Variants in PAPPA2 observed in about 807,000 individuals in gnomAD.
PAPPA2 encodes pappalysin 2.
Under a neutral mutation model 176.4 loss-of-function variants are expected in PAPPA2, and 86 were observed. That is an observed-to-expected ratio of 0.49 (90% confidence interval 0.41 to 0.58). The LOEUF is 0.58. PAPPA2 is among the 20% of genes least tolerant of loss of function. The pLI is 0.00. For synonymous variants in PAPPA2, 809 were observed against 852.2 expected, an observed-to-expected ratio of 0.95 and a Z score of 0.88; for missense variants, 2,073 against 2,256.9, an observed-to-expected ratio of 0.92 and a Z score of 1.65.
intron 1 of PAPPA2, among the ~76,000 whole-genome samples, chr1:176,482,677 G>C (rs190354556): frequency 6.6e-6 from 1 of 152,110 alleles, no homozygotes; most frequent in East Asian, 1.9e-4. Flanking sequence ...CTACCTTTTT[G>C]GTGGCAAGAT....
intron 3 of PAPPA2, among the ~76,000 whole-genome samples, chr1:176,647,132 G>A (rs1302571604): frequency 1.3e-5 from 2 of 151,520 alleles, no homozygotes; most frequent in Admixed American, 6.6e-5. Flanking sequence ...TCTCCTTGTA[G>A]TATTGATTTG....
chr1:176,624,753 A>G (rs1218091771), intron 3 of PAPPA2, among the ~76,000 whole-genome samples: 6 of 152,026 alleles, frequency 3.9e-5, no homozygotes, highest in South Asian at 4.2e-4. Context: ...CTTTCATATC[A>G]TATTTATTTA....
At chr1:176,725,936 C>T (rs1247033757) in intron 12 of PAPPA2, among the ~76,000 whole-genome samples, 7 of 152,242 alleles carry the variant, frequency 4.6e-5, no homozygotes, top group African/African-American at 1.4e-4. Flanking sequence ...CCCGCCATCA[C>T]GCCTGGCTAA....
chr1:176,559,565 A>G (rs1013533441), intron 2 of PAPPA2, among the ~76,000 whole-genome samples: 3 of 152,154 alleles, frequency 2.0e-5, no homozygotes, highest in Admixed American at 2.0e-4. Context: ...TGAGAACCAT[A>G]ATGTTGCCAA....
intron 2 of PAPPA2, among the ~76,000 whole-genome samples, chr1:176,582,168 C>T (rs1294169787): frequency 6.6e-6 from 1 of 152,000 alleles, no homozygotes; most frequent in Non-Finnish European, 1.5e-5. Context: ...ACCTTGTGAT[C>T]CACCCGCCTC....
chr1:176,531,034 A>G (rs2102551997), intron 1 of PAPPA2, among the ~76,000 whole-genome samples: 1 of 152,362 alleles, frequency 6.6e-6, no homozygotes, highest in Non-Finnish European at 1.5e-5. Flanking sequence ...ATAAAAGACA[A>G]CCAAAGTTTT....
intron 1 of PAPPA2, among the ~76,000 whole-genome samples, chr1:176,532,166 G>T (rs925908646): frequency 1.3e-5 from 2 of 152,094 alleles, no homozygotes. Context: ...CTCTACCTCC[G>T]GTACCTTAGG....
At chr1:176,469,309 C>A (rs1651769001) in intron 1 of PAPPA2, among the ~76,000 whole-genome samples, 1 of 152,112 alleles carries the variant, frequency 6.6e-6, no homozygotes, top group Non-Finnish European at 1.5e-5. Flanking sequence ...CTATTAAATG[C>A]ACTAGTCCCT....
chr1:176,556,348 T>G lies in PAPPA2; in HGVS notation c.26T>G (p.Ile9Arg). The G allele has an allele frequency of 6.2e-7, 1 of 1,614,048 alleles. No individual in the cohort carries two copies. The highest frequency in any genetic ancestry group is 8.5e-7 in the Non-Finnish European group (1 of 1,179,966). Reference sequence around the variant, plus strand: ...ATGATGTGCTTAAAGATCCTAAGAATAAGCCTGGCGATTTTGGCTGGGTGG... The same window carrying G: ...ATGATGTGCTTAAAGATCCTAAGAAGAAGCCTGGCGATTTTGGCTGGGTGG... The part of the protein sequence containing the change: MMCLKILR[I>R]SLAILAGWAL... The change falls in exon 2 of 23, where the codon ATA becomes AGA. Residue 9 changes from isoleucine to arginine, a missense_variant. By Grantham distance (97) the Ile-to-Arg change is moderately conservative (BLOSUM62 -3). Around this residue, in one of 4 missense-constraint regions of PAPPA2, gnomAD observed 1,196 missense variants for 1,330.4 expected, o/e 0.90. Coordinates refer to ENST00000367662, the MANE Select transcript of PAPPA2 (RefSeq NM_020318.3).
chr1:176,692,881 A>G (rs1660182938), intron 6 of PAPPA2, among the ~76,000 whole-genome samples: 1 of 152,064 alleles, frequency 6.6e-6, no homozygotes, highest in African/African-American at 2.4e-5. Context: ...TACCTGCCCC[A>G]CTTGACTGGC....
chr1:176,747,260 C>A (rs1355691145), intron 14 of PAPPA2, among the ~76,000 whole-genome samples: 1 of 152,164 alleles, frequency 6.6e-6, no homozygotes, highest in African/African-American at 2.4e-5. Flanking sequence ...TGTGAACGGG[C>A]ATATTTGTTT....
chr1:176,840,272 G>A lies in PAPPA2; in HGVS notation c.5301+1G>A. Reference sequence around the variant, plus strand: ...CTCTTCCACACTCTCCTCCAAGAAGGTGAGTGAGAGAACCTGGGGATGGGG... The same window carrying A: ...CTCTTCCACACTCTCCTCCAAGAAGATGAGTGAGAGAACCTGGGGATGGGG... On this transcript the variant is annotated splice_donor_variant, in intron 22 of 22. Transcript: ENST00000367662. LOFTEE classifies it high-confidence loss of function. 6.2e-7 allele frequency: 1 copy of A among 1,608,000 alleles called. No individual in the cohort carries two copies. The highest frequency in any genetic ancestry group is 8.5e-7 in the Non-Finnish European group (1 of 1,175,174).
chr1:176,800,047 G>A lies in PAPPA2; in HGVS notation c.5131-14G>A, dbSNP rs200234301. On this transcript the variant is annotated splice_polypyrimidine_tract_variant and intron_variant, in intron 20 of 22. Coordinates refer to ENST00000367662, the MANE Select transcript of PAPPA2 (RefSeq NM_020318.3). The stretch of plus-strand genomic sequence containing the variant: ...TTTAATTTTGTTTTCTGTTTTTCCC[G>A]TCTTTCCCCTTAGAGCATTGTGTGC... 144 of 1,613,614 alleles carry A rather than the reference G, an allele frequency of 8.9e-5. No individual in the cohort carries two copies. The African/African-American group carries it at 1.4e-3, about 15-fold the overall frequency.
chr1:176,770,844 A>G (rs540216254), intron 16 of PAPPA2, 123 bp from the exon 17 acceptor site: 100 of 871,680 alleles, frequency 1.1e-4, no homozygotes, highest in Admixed American at 7.7e-5. Flanking sequence ...GATGCTACTC[A>G]AGAAAGAATA....
At position 176,681,033 on chromosome 1, in the gene PAPPA2, G is replaced by A. The variant is rs115911198; in HGVS notation, c.2138-9104G>A. Among the ~76,000 whole-genome samples the A allele has an allele frequency of 9.6e-4, 146 of 152,066 alleles. 1 individual carries two copies. The highest frequency in any genetic ancestry group is 2.8e-3 in the African/African-American group (115 of 41,498). ...GGGGAGCCAGTTTGTTTTTGGATAT[G>A]TTGAGCTAGGGGTCTCTAAAATCAA... On this transcript the variant is annotated intron_variant, in intron 4 of 22. Transcript: ENST00000367662.
chr1:176,781,898 G>A (rs1044622452), intron 17 of PAPPA2, among the ~76,000 whole-genome samples: 1 of 152,152 alleles, frequency 6.6e-6, no homozygotes, highest in Non-Finnish European at 1.5e-5. Context: ...TCTAACTTCA[G>A]TTCAAAAATG....
intron 3 of PAPPA2, among the ~76,000 whole-genome samples, chr1:176,618,719 C>T (rs1449869523): frequency 6.6e-6 from 1 of 152,168 alleles, no homozygotes; most frequent in African/African-American, 2.4e-5. Flanking sequence ...TCAACAAATT[C>T]TCTCTTCGAG....
intron 1 of PAPPA2, among the ~76,000 whole-genome samples, chr1:176,533,374 C>T (rs1231615571): frequency 6.6e-6 from 1 of 152,208 alleles, no homozygotes; most frequent in African/African-American, 2.4e-5. Flanking sequence ...AGGACTAGGT[C>T]ACGGTCACCA....
At chr1:176,547,583 A>G (rs958967324) in intron 1 of PAPPA2, among the ~76,000 whole-genome samples, 50 of 152,248 alleles carry the variant, frequency 3.3e-4, no homozygotes, top group African/African-American at 1.2e-3. Context: ...GAGCAACTGC[A>G]TGGTTTGTCA....
Sources: gnomAD v4.1 joint callset for allele counts (sites outside exome capture counted in the v4.1 genomes callset) on GRCh38, gnomAD v4.1.1 for gene constraint, gnomAD v4.1.1 regional missense constraint, MANE v1.5 for transcripts, NCBI Gene and HGNC (gene_info 2026-07-23, HGNC 2026-07-21) for gene names.